The following ATP2A1 variants were observed in gnomAD, a reference collection of about 807,000 sequenced individuals.
The protein encoded by ATP2A1 is ATPase sarcoplasmic/endoplasmic reticulum Ca2+ transporting 1.
In ATP2A1, 83 loss-of-function variants were observed where a neutral mutation model predicts 109.5. The observed-to-expected ratio is 0.76, with a 90% CI of 0.63 to 0.91. The LOEUF is 0.91. Ranked by LOEUF, ATP2A1 falls within the 40% of genes least tolerant of loss-of-function variation. The pLI, the probability that ATP2A1 is intolerant of heterozygous loss-of-function variation, is 0.00. For synonymous variants in ATP2A1, 505 were observed against 537.6 expected, an observed-to-expected ratio of 0.94 and a Z score of 0.84; for missense variants, 1,101 against 1,341.0, an observed-to-expected ratio of 0.82 and a Z score of 2.80.
chr16:28,887,001 A>C (rs535269249), intron 6 of ATP2A1, among the ~76,000 whole-genome samples, 188 bp from the exon 7 acceptor site: 1 of 151,580 alleles, frequency 6.6e-6, no homozygotes, highest in South Asian at 2.1e-4. Flanking sequence ...TCAAAAAAAA[A>C]AAAAAAAAAA....
In ATP2A1 at chr16:28,902,699, G is replaced by T. The variant is rs1228924309; in HGVS notation, c.2610+34G>T. 1 of 1,613,982 alleles carries T rather than the reference G, an allele frequency of 6.2e-7. No homozygotes were observed. Among genetic ancestry groups the T allele is most frequent in the South Asian group, 1.1e-5 (1 of 91,082 alleles). ...AGGCCACAAAGGAGGGGACCAGGAG[G>T]GTGTGGGGATGCAGGAGGGTACCAG... On this transcript the variant is annotated intron_variant, in intron 18 of 22. Coordinates refer to ENST00000395503, the MANE Select transcript of ATP2A1 (RefSeq NM_004320.6). This position sits in a 1 kb window ranked among gnomAD's most constrained non-coding sequence, Gnocchi z 4.8.
At position 28,878,491 on chromosome 16, in the gene ATP2A1, C is replaced by T; in HGVS notation, c.-181C>T. On this transcript the variant is annotated 5_prime_UTR_variant, in exon 1 of 23. Coordinates refer to ENST00000395503, the MANE Select transcript of ATP2A1 (RefSeq NM_004320.6). ...GACCAGCTGGGGGCCGGGGGGTGGC[C>T]GGCTGCTCAAGTGGGACGGGGGTCA... is the stretch of plus-strand genomic sequence containing the variant. The T allele has an allele frequency of 4.6e-6, 3 of 648,082 alleles. No individual in the cohort carries two copies. The highest frequency in any genetic ancestry group is 8.3e-6 in the Non-Finnish European group (3 of 363,050). The allele number at this position is 648,082 out of a possible 1,614,324, so 40.1% of individuals were successfully genotyped here.
At position 28,903,312 on chromosome 16, in the gene ATP2A1, C is replaced by G. The variant is rs1339999177; in HGVS notation, c.2863-11C>G. ...ACCCCCTCCTGAGAGGGCGCTTGTC[C>G]CCTGCCCCAGATGATCTTCAAGCTC... On this transcript the variant is annotated splice_polypyrimidine_tract_variant and intron_variant, in intron 20 of 22. Coordinates refer to ENST00000395503, the MANE Select transcript of ATP2A1 (RefSeq NM_004320.6). The surrounding 1 kb of genome is among the most constrained non-coding windows in gnomAD (Gnocchi z 5.6). The G allele has an allele frequency of 2.5e-6, 4 of 1,610,380 alleles. No individual in the cohort carries two copies. The highest frequency in any genetic ancestry group is 3.4e-6 in the Non-Finnish European group (4 of 1,176,812).
Position 28,880,865 on chromosome 16 carries a change from T to G in ATP2A1, c.220-50T>G. On this transcript the variant is annotated intron_variant, in intron 3 of 22. Transcript: ENST00000395503. This position sits in a 1 kb window ranked among gnomAD's most constrained non-coding sequence, Gnocchi z 4.2. ...TGCAGTGGTCCACTTCCTTTCTCCA[T>G]CTGTTTTGGGGCCTCATTACCTGTC... 1.3e-6 allele frequency: 2 copies of G among 1,525,602 alleles called. No individual in the cohort carries two copies. Among genetic ancestry groups the G allele is most frequent in the Non-Finnish European group, 1.8e-6 (2 of 1,099,478 alleles). The allele number at this position is 1,525,602 out of a possible 1,614,324, so 94.5% of individuals were successfully genotyped here.
chr16:28,891,228 G>A (rs955742135), intron 9 of ATP2A1, among the ~76,000 whole-genome samples: 2 of 150,334 alleles, frequency 1.3e-5, no homozygotes, highest in Non-Finnish European at 3.0e-5. Flanking sequence ...CCCAGGAGGT[G>A]GAGGTTGCAG....
chr16:28,888,477 T>C (rs1414132457), intron 8 of ATP2A1, among the ~76,000 whole-genome samples: 1 of 152,142 alleles, frequency 6.6e-6, no homozygotes, highest in African/African-American at 2.4e-5. Flanking sequence ...AGCACAATCA[T>C]AACTCACTGT....
chr16:28,889,899 T>C (rs1379402230), intron 9 of ATP2A1, among the ~76,000 whole-genome samples: 1 of 152,184 alleles, frequency 6.6e-6, no homozygotes, highest in South Asian at 2.1e-4. Context: ...ATCCCAACAC[T>C]TTGGGAGGCC....
rs1283138978 is a variant in ATP2A1 at position 28,879,636 on chromosome 16, G to C, written c.219+53G>C. 5.1e-6 allele frequency: 8 copies of C among 1,559,704 alleles called. No homozygotes were observed. The East Asian group carries it at 1.8e-4, about 36-fold the overall frequency. On this transcript the variant is annotated intron_variant, in intron 3 of 22. Transcript: ENST00000395503. ...GGCTGGGGGTGTGAGGCTGGGATCG[G>C]GCGAATGCGGGGCTCGCAGTCACTG...
In ATP2A1 at chr16:28,887,541, G is replaced by A. The variant is rs1216191018; in HGVS notation, c.747G>A (p.Leu249=). The change falls in exon 8 of 23, where the codon TTG becomes TTA. Residue 249 remains leucine (L), a synonymous_variant. Transcript: ENST00000395503. ...MAATEQDKTP[L]QQKLDEFGEQ... Reference sequence around the variant, plus strand: ...CCACAGAACAGGACAAGACCCCCTTGCAGCAGAAGCTGGATGAGTTTGGGG... The same window carrying A: ...CCACAGAACAGGACAAGACCCCCTTACAGCAGAAGCTGGATGAGTTTGGGG... The A allele has an allele frequency of 6.2e-7, 1 of 1,613,970 alleles. No homozygotes were observed. Among genetic ancestry groups the A allele is most frequent in the East Asian group, 2.2e-5 (1 of 44,854 alleles).
rs772242880 is a variant in ATP2A1 at position 28,902,877 on chromosome 16, C to G, written c.2710C>G (p.Leu904Val). The change falls in exon 19 of 23, where the codon CTG becomes GTG. Residue 904 changes from leucine (L) to valine (V), a missense_variant. Coordinates refer to ENST00000395503, the MANE Select transcript of ATP2A1 (RefSeq NM_004320.6). The surrounding 1 kb of genome is among the most constrained non-coding windows in gnomAD (Gnocchi z 4.8). The stretch of plus-strand genomic sequence containing the variant: ...GCCCATGACCATGGCCCTGTCCGTG[C>G]TGGTGACCATCGAGATGTGCAATGC... ...PEPMTMALSVLVTIEMCNALN... is the reference protein window; with the variant it reads ...PEPMTMALSVVVTIEMCNALN... 5.0e-6 allele frequency: 8 copies of G among 1,613,918 alleles called. No homozygotes were observed. The African/African-American group carries it at 9.3e-5, about 19-fold the overall frequency.
At chr16:28,904,029 G>A (rs1387415186) in intron 22 of ATP2A1, 151 bp from the exon 23 acceptor site, 24 of 770,828 alleles carry the variant, frequency 3.1e-5, no homozygotes, top group East Asian at 1.3e-4. Flanking sequence ...GGGGGGGGGC[G>A]GGGTGTCTGG....
At chr16:28,892,568 C>G (rs1005062501) in intron 9 of ATP2A1, 1 of 157,454 alleles carries the variant, frequency 6.4e-6, no homozygotes, top group Admixed American at 6.5e-5. Flanking sequence ...TTTTTCTGAC[C>G]ACAGAACTTT....
At chr16:28,878,950 C>A (rs1441530695) in intron 1 of ATP2A1, 149 bp from the exon 2 acceptor site, 9 of 1,347,492 alleles carry the variant, frequency 6.7e-6, no homozygotes, top group Non-Finnish European at 9.6e-6. Flanking sequence ...AAAACAGAGT[C>A]CCGAGATCCA....
Position 28,900,680 on chromosome 16 carries a change from A to T in ATP2A1, c.1864A>T (p.Ile622Phe). Reference sequence around the variant, plus strand: ...GTGCCGTGACGCCGGGATCCGGGTGATCATGATCACTGGGGACAACAAGGG... The same window carrying T: ...GTGCCGTGACGCCGGGATCCGGGTGTTCATGATCACTGGGGACAACAAGGG... ...QLCRDAGIRV[I>F]MITGDNKGTA... The change falls in exon 15 of 23, where the codon ATC becomes TTC. Residue 622 changes from isoleucine (I) to phenylalanine (F), a missense_variant. Transcript: ENST00000395503. The T allele has an allele frequency of 6.2e-7, 1 of 1,613,298 alleles. No homozygotes were observed.
In ATP2A1 at chr16:28,904,207, C is replaced by T; in HGVS notation, c.*65C>T. On this transcript the variant is annotated 3_prime_UTR_variant, in exon 23 of 23. Coordinates refer to ENST00000395503, the MANE Select transcript of ATP2A1 (RefSeq NM_004320.6). ...CCAGAAGATGAAAGAAGGAAGTGAG[C>T]ATCCTTTTGCTCTGTCCTCCCCACC... 1 of 1,613,442 alleles carries T rather than the reference C, an allele frequency of 6.2e-7. No individual in the cohort carries two copies. Among genetic ancestry groups the T allele is most frequent in the East Asian group, 2.2e-5 (1 of 44,870 alleles).
chr16:28,899,651 C>G (rs1270859817), intron 14 of ATP2A1, among the ~76,000 whole-genome samples: 1 of 107,926 alleles, frequency 9.3e-6, no homozygotes, highest in African/African-American at 3.4e-5. Context: ...GCGCCCGCCC[C>G]CCCCCCCCCG....
rs149282970 is a variant in ATP2A1, at chr16:28,902,320, C to A, written c.2458C>A (p.Pro820Thr). The part of the protein sequence containing the change: ...NPPDLDIMDR[P>T]PRSPKEPLIS... Reference sequence around the variant, plus strand: ...ACCAGACCTGGACATCATGGACCGCCCCCCCCGGAGCCCCAAGGAGCCCCT... The same window carrying A: ...ACCAGACCTGGACATCATGGACCGCACCCCCCGGAGCCCCAAGGAGCCCCT... Residue 820 changes from proline to threonine, a missense_variant, in exon 17 of 23, where the codon CCC (proline) becomes ACC (threonine). By Grantham distance (38) the Pro-to-Thr change is conservative (BLOSUM62 -1). Transcript: ENST00000395503. The surrounding 1 kb of genome is among the most constrained non-coding windows in gnomAD (Gnocchi z 4.8). 121 of 1,613,966 alleles carry A rather than the reference C, an allele frequency of 7.5e-5. No individual in the cohort carries two copies. In the African/African-American group the frequency reaches 1.3e-3, roughly 18 times the overall value.
Position 28,882,439 on chromosome 16 carries a change from C to T in ATP2A1, c.325-12C>T, listed in dbSNP as rs1162151654. The T allele has an allele frequency of 2.5e-6, 4 of 1,614,144 alleles. No homozygotes were observed. Among genetic ancestry groups the T allele is most frequent in the Non-Finnish European group, 2.5e-6 (3 of 1,180,018 alleles). On this transcript the variant is annotated splice_polypyrimidine_tract_variant and intron_variant, in intron 4 of 22. Transcript: ENST00000395503. ...TGTGTATAACCCTGCCTCCTCCACC[C>T]TGTCTCCTCAGGAGCGGAACGCAGA...
chr16:28,880,946 C>T lies in ATP2A1; in HGVS notation c.251C>T (p.Thr84Ile), dbSNP rs146091204. 31 of 1,614,084 alleles carry T rather than the reference C, an allele frequency of 1.9e-5. No individual in the cohort carries two copies. Among genetic ancestry groups the T allele is most frequent in the Admixed American group, 8.3e-5 (5 of 60,012 alleles). The change falls in exon 4 of 23, where the codon ACC (threonine) becomes ATC (isoleucine). Residue 84 changes from threonine (T) to isoleucine (I), a missense_variant. Coordinates refer to ENST00000395503, the MANE Select transcript of ATP2A1 (RefSeq NM_004320.6). The surrounding 1 kb of genome is among the most constrained non-coding windows in gnomAD (Gnocchi z 4.2). ...GCCTGGTTTGAGGAAGGTGAAGAGA[C>T]CATCACTGCCTTTGTTGAACCCTTT... ...VLAWFEEGEE[T>I]ITAFVEPFVI...
Sources: gnomAD v4.1 joint callset for allele counts (sites outside exome capture counted in the v4.1 genomes callset) on GRCh38, gnomAD v4.1.1 for gene constraint, Gnocchi (gnomAD v3.1) non-coding constraint, MANE v1.5 for transcripts, NCBI Gene and HGNC (gene_info 2026-07-23, HGNC 2026-07-21) for gene names.